The following RBFOX1 variants were observed in gnomAD, a reference collection of about 807,000 sequenced individuals.
The protein encoded by RBFOX1 is RNA binding fox-1 homolog 1, also known as RNA binding protein fox-1 homolog 1.
A neutral mutation model predicts 57.7 loss-of-function variants in RBFOX1; 8 were observed. The ratio of observed to expected loss-of-function variants is 0.14; its 90% CI spans 0.08 to 0.25. The LOEUF (loss-of-function observed/expected upper bound fraction) is 0.25. RBFOX1 is among the 10% of genes least tolerant of loss of function. The pLI is 1.00. For missense variants in RBFOX1, 611 were observed against 548.5 expected (o/e 1.11, Z -1.14); for synonymous variants, 326 against 222.4 (o/e 1.47, Z -4.15).
chr16:7,208,516 G>A (rs1305104831), intron 4 of RBFOX1, among the ~76,000 whole-genome samples: 2 of 152,130 alleles, frequency 1.3e-5, no homozygotes, highest in African/African-American at 4.8e-5. Flanking sequence ...GCAAGAGATA[G>A]TGGGGAGGAG....
At chr16:5,504,379 G>A (rs1415757587) in intron 2 of RBFOX1, among the ~76,000 whole-genome samples, 1 of 152,220 alleles carries the variant, frequency 6.6e-6, no homozygotes, top group Non-Finnish European at 1.5e-5. Flanking sequence ...CCAGGCTCCT[G>A]GATAACAAGG....
chr16:6,694,281 C>T (rs779446134), intron 3 of RBFOX1, among the ~76,000 whole-genome samples: 3 of 152,126 alleles, frequency 2.0e-5, no homozygotes, highest in African/African-American at 4.8e-5. Context: ...GTGTGTGAGT[C>T]AATTTTTCTG....
chr16:6,933,234 C>T (rs897335296), intron 3 of RBFOX1, among the ~76,000 whole-genome samples: 5 of 152,156 alleles, frequency 3.3e-5, no homozygotes, highest in African/African-American at 1.2e-4. Context: ...TCCCTGCTTT[C>T]AGTTGTCTTG....
chr16:6,494,279 C>T (rs1598192476), intron 2 of RBFOX1, among the ~76,000 whole-genome samples: 1 of 152,164 alleles, frequency 6.6e-6, no homozygotes, highest in South Asian at 2.1e-4. Flanking sequence ...ACAACTTCAT[C>T]GTGTGTAGGT....
intron 9 of RBFOX1, among the ~76,000 whole-genome samples, chr16:7,602,426 A>G (rs1486844350): frequency 2.0e-5 from 3 of 152,176 alleles, no homozygotes; most frequent in Non-Finnish European, 4.4e-5. Context: ...CTTATCAGCC[A>G]TTCTCCTTTT....
intron 3 of RBFOX1, among the ~76,000 whole-genome samples, chr16:6,927,768 A>G (rs2075864233): frequency 6.6e-6 from 1 of 152,068 alleles, no homozygotes; most frequent in Non-Finnish European, 1.5e-5. Flanking sequence ...ATCTCCAATC[A>G]TTGTTTTTGT....
intron 2 of RBFOX1, among the ~76,000 whole-genome samples, chr16:5,582,869 A>G (rs1041558184): frequency 6.6e-6 from 1 of 152,052 alleles, no homozygotes; most frequent in Non-Finnish European, 1.5e-5. Flanking sequence ...CTCTCATTCA[A>G]CTGTGTATCC....
At chr16:6,644,013 C>G (rs540721653) in intron 2 of RBFOX1, among the ~76,000 whole-genome samples, 2 of 152,202 alleles carry the variant, frequency 1.3e-5, no homozygotes, top group African/African-American at 4.8e-5. Flanking sequence ...GTAATCCCAG[C>G]TACTAGGTAG....
chr16:5,871,635 C>T (rs1032976495), intron 4 of RBFOX1, among the ~76,000 whole-genome samples: 10 of 152,270 alleles, frequency 6.6e-5, no homozygotes, highest in Middle Eastern at 3.4e-3. Context: ...CTCTCCACCA[C>T]CAGCTGTATA....
At chr16:5,259,420 T>C (rs541427906) in intron 1 of RBFOX1, among the ~76,000 whole-genome samples, 5 of 152,208 alleles carry the variant, frequency 3.3e-5, no homozygotes, top group Non-Finnish European at 7.3e-5. Context: ...AACTAGTCTT[T>C]GGTGCTATTC....
intron 4 of RBFOX1, among the ~76,000 whole-genome samples, chr16:7,243,346 C>T (rs1203123431): frequency 6.6e-6 from 1 of 152,016 alleles, no homozygotes; most frequent in Non-Finnish European, 1.5e-5. Context: ...ACCTTTAGTT[C>T]TTTTATGTAT....
At chr16:7,600,392 C>A (rs1246390891) in intron 9 of RBFOX1, among the ~76,000 whole-genome samples, 1 of 152,202 alleles carries the variant, frequency 6.6e-6, no homozygotes, top group African/African-American at 2.4e-5. Context: ...AGTTTCAACT[C>A]AGGAGTATCA....
At chr16:7,304,177 G>A (rs1365626099) in intron 4 of RBFOX1, 5 of 977,556 alleles carry the variant, frequency 5.1e-6, no homozygotes, top group South Asian at 9.5e-5. Flanking sequence ...GTGGGGGGAG[G>A]GAGGAGGAAA....
intron 2 of RBFOX1, among the ~76,000 whole-genome samples, chr16:6,508,502 T>G (rs1400235014): frequency 6.6e-6 from 1 of 152,176 alleles, no homozygotes; most frequent in Non-Finnish European, 1.5e-5. Flanking sequence ...AGCTAATCCC[T>G]TAAAACCTTC....
chr16:6,963,628 C>T (rs898267213), intron 3 of RBFOX1, among the ~76,000 whole-genome samples: 1 of 152,100 alleles, frequency 6.6e-6, no homozygotes, highest in African/African-American at 2.4e-5. Flanking sequence ...GTAAAAAGAT[C>T]CAGGGGTGCC....
intron 4 of RBFOX1, among the ~76,000 whole-genome samples, chr16:7,119,962 C>T (rs1411505988): frequency 1.3e-5 from 2 of 152,032 alleles, no homozygotes; most frequent in Non-Finnish European, 2.9e-5. Context: ...TTATAAAAAA[C>T]TTAACAAATT....
intron 1 of RBFOX1, among the ~76,000 whole-genome samples, chr16:6,034,879 C>G (rs2095344631): frequency 2.0e-5 from 3 of 147,646 alleles, no homozygotes; most frequent in African/African-American, 7.6e-5. Context: ...CTTAGGGTTA[C>G]AGGGTGGATG....
chr16:5,243,802 A>G (rs997980763), intron 1 of RBFOX1, among the ~76,000 whole-genome samples: 4 of 152,224 alleles, frequency 2.6e-5, no homozygotes, highest in Non-Finnish European at 5.9e-5. Context: ...CATCTATAAA[A>G]TGGAGATAAA....
chr16:6,612,279 C>G (rs2098071638), intron 2 of RBFOX1, among the ~76,000 whole-genome samples: 1 of 152,138 alleles, frequency 6.6e-6, no homozygotes, highest in South Asian at 2.1e-4. Flanking sequence ...ATGATCACAA[C>G]ACATTTCTCA....
Sources: allele counts gnomAD v4.1 joint callset (sites outside exome capture counted in the v4.1 genomes callset), GRCh38; gene constraint gnomAD v4.1.1; transcripts MANE v1.5; gene names NCBI Gene and HGNC (gene_info 2026-07-23, HGNC 2026-07-21).